TSPAN9: variants seen among roughly 807,000 people sequenced by gnomAD.
TSPAN9 encodes the protein tetraspanin-9.
Under a neutral mutation model 31.0 loss-of-function variants are expected in TSPAN9, and 16 were observed. That is an observed-to-expected ratio of 0.52 (90% CI 0.35 to 0.78). TSPAN9 has a LOEUF of 0.78. Ranked by LOEUF, TSPAN9 falls within the 30% of genes least tolerant of loss-of-function variation. The probability of loss-of-function intolerance (pLI) is 0.01; values close to 1 mark genes in which losing one functional copy is unlikely to be tolerated. For synonymous variants in TSPAN9, 145 were observed against 121.6 expected (o/e 1.19, Z -1.27); for missense variants, 272 against 312.5 (o/e 0.87, Z 0.98).
At chr12:3,185,664 A>G (rs2098360874) in intron 2 of TSPAN9, among the ~76,000 whole-genome samples, 1 of 152,244 alleles carries the variant, frequency 6.6e-6, no homozygotes, top group Non-Finnish European at 1.5e-5. Flanking sequence ...CGCAGAGCTT[A>G]AAATAGCAGC....
chr12:3,259,379 C>T (rs934733492), intron 3 of TSPAN9, among the ~76,000 whole-genome samples: 3 of 152,196 alleles, frequency 2.0e-5, no homozygotes, highest in Non-Finnish European at 4.4e-5. Context: ...GAGGAAAGTT[C>T]TCAAGGACAG....
chr12:3,103,463 G>T (rs2098312773), intron 2 of TSPAN9, among the ~76,000 whole-genome samples: 1 of 141,750 alleles, frequency 7.1e-6, no homozygotes, highest in African/African-American at 3.1e-5. Context: ...CTAGGAACCA[G>T]GGACTCAGTG....
At chr12:3,136,334 C>T (rs1274038591) in intron 2 of TSPAN9, among the ~76,000 whole-genome samples, 1 of 152,222 alleles carries the variant, frequency 6.6e-6, no homozygotes, top group Non-Finnish European at 1.5e-5. Flanking sequence ...TCACGCACCA[C>T]TCATCGTGGG....
chr12:3,142,150 C>T (rs868375102), intron 2 of TSPAN9, among the ~76,000 whole-genome samples: 10 of 152,306 alleles, frequency 6.6e-5, no homozygotes, highest in African/African-American at 2.4e-4. Context: ...CTGAGATTGT[C>T]ACCGCTCTGC....
Position 3,198,660 on chromosome 12 carries a change from T to C in TSPAN9, c.-17-2517T>C, listed in dbSNP as rs1231875063. On this transcript the variant is annotated intron_variant, in intron 2 of 8. Coordinates refer to ENST00000011898, the MANE Select transcript of TSPAN9 (RefSeq NM_006675.5). ...CAGCACAGCTCACCACCAGCACAGCTCACCACCAGCACAGGCCACCACCAG... is the reference window on the plus strand; with the variant it reads ...CAGCACAGCTCACCACCAGCACAGCCCACCACCAGCACAGGCCACCACCAG... Among the ~76,000 whole-genome samples, 56 of 59,868 alleles carry C rather than the reference T, an allele frequency of 9.4e-4. 1 individual carries two copies. The highest frequency in any genetic ancestry group is 5.0e-3 in the African/African-American group (48 of 9,644). The allele number at this position is 59,868 out of a possible 152,430, so 39.3% of individuals were successfully genotyped here.
At position 3,285,764 on chromosome 12, in the gene TSPAN9, A is replaced by C. The variant is rs1239701960; in HGVS notation, c.*2648A>C. On this transcript the variant is annotated 3_prime_UTR_variant, in exon 9 of 9. Coordinates refer to ENST00000011898, the MANE Select transcript of TSPAN9 (RefSeq NM_006675.5). ...CAGGTCTGATGTGAGCAATTTACAC[A>C]CTTGTCTCAGAAAGTCCCTCAGGGT... The C allele has an allele frequency of 1.3e-5, 2 of 152,094 alleles. No homozygotes were observed. Among genetic ancestry groups the C allele is most frequent in the East Asian group, 3.9e-4 (2 of 5,184 alleles). 9.4% of individuals were successfully genotyped at this position (152,094 alleles called of 1,614,324 possible).
At chr12:3,165,991 G>T (rs937810957) in intron 2 of TSPAN9, among the ~76,000 whole-genome samples, 2 of 152,162 alleles carry the variant, frequency 1.3e-5, no homozygotes, top group African/African-American at 4.8e-5. Context: ...CGGTCTAACA[G>T]GGCCATGGAG....
chr12:3,186,155 G>T (rs566936073), intron 2 of TSPAN9, among the ~76,000 whole-genome samples: 1 of 152,332 alleles, frequency 6.6e-6, no homozygotes, highest in East Asian at 1.9e-4. Flanking sequence ...TCCCTCACTC[G>T]CCAGTTGCCT....
chr12:3,156,588 C>T (rs1164513834), intron 2 of TSPAN9, among the ~76,000 whole-genome samples: 1 of 151,640 alleles, frequency 6.6e-6, no homozygotes, highest in African/African-American at 2.4e-5. Context: ...TGCAACCTCC[C>T]CCTCCCAGAT....
At chr12:3,246,902 C>T (rs905618278) in intron 3 of TSPAN9, among the ~76,000 whole-genome samples, 11 of 152,172 alleles carry the variant, frequency 7.2e-5, no homozygotes, top group Admixed American at 5.2e-4. Flanking sequence ...AGACCAGGAC[C>T]GTTCAGGGGA....
chr12:3,223,089 C>T (rs1324078992), intron 3 of TSPAN9, among the ~76,000 whole-genome samples: 2 of 152,326 alleles, frequency 1.3e-5, no homozygotes, highest in South Asian at 2.1e-4. Flanking sequence ...GCATCAGTGC[C>T]GTTGCCTCTA....
rs1376981566 is a variant in TSPAN9, at chr12:3,283,051, G to A, written c.655G>A (p.Gly219Ser). The change falls in exon 9 of 9, where the codon GGC becomes AGC. Residue 219 changes from glycine (G) to serine (S), a missense_variant. Transcript: ENST00000011898. ...CCCTCCCCGTGTCTTTCAGATCCTGGGCATGGCCTTCTCCATGACCCTCTT... is the reference window on the plus strand; with the variant it reads ...CCCTCCCCGTGTCTTTCAGATCCTGAGCATGGCCTTCTCCATGACCCTCTT... Reference protein sequence around the residue: ...GMCILIMQILGMAFSMTLFQH... With the variant: ...GMCILIMQILSMAFSMTLFQH... 6.2e-7 allele frequency: 1 copy of A among 1,608,574 alleles called. No homozygotes were observed. Among genetic ancestry groups the A allele is most frequent in the East Asian group, 2.2e-5 (1 of 44,862 alleles).
chr12:3,280,387 C>T lies in TSPAN9; in HGVS notation c.336C>T (p.Asn112=), dbSNP rs745629435. 13 of 1,610,536 alleles carry T rather than the reference C, an allele frequency of 8.1e-6. 1 individual carries two copies. Among genetic ancestry groups the T allele is most frequent in the East Asian group, 4.5e-5 (2 of 44,862 alleles). ...TGTGTCCCTCCGCCTGGCAGGTGAA[C>T]GAGAACGCCAAGAAGGACCTGAAGG... is the stretch of plus-strand genomic sequence containing the variant. ...ILFFVYMDKV[N]ENAKKDLKEG... is the part of the protein sequence containing the mutation. The change falls in exon 6 of 9, where the codon AAC becomes AAT. Residue 112 remains asparagine, a synonymous_variant. Transcript: ENST00000011898. This position sits in a 1 kb window ranked among gnomAD's most constrained non-coding sequence, Gnocchi z 4.5.
At chr12:3,159,156 C>G (rs1271108386) in intron 2 of TSPAN9, among the ~76,000 whole-genome samples, 1 of 151,484 alleles carries the variant, frequency 6.6e-6, no homozygotes, top group Non-Finnish European at 1.5e-5. Context: ...CCATTATTGT[C>G]TGTTGTTTCT....
chr12:3,278,316 A>C, intron 3 of TSPAN9, 105 bp from the exon 4 acceptor site: 1 of 1,483,210 alleles, frequency 6.7e-7, no homozygotes, highest in Non-Finnish European at 9.1e-7. Flanking sequence ...GTCGGTTCTC[A>C]CTTTGTCTGT....
intron 2 of TSPAN9, among the ~76,000 whole-genome samples, chr12:3,185,682 G>C (rs1395789187): frequency 1.3e-5 from 2 of 152,254 alleles, no homozygotes; most frequent in Non-Finnish European, 2.9e-5. Context: ...AGCGTGAGCT[G>C]GCCGCTGGGC....
rs2098350063 is a variant in TSPAN9 at position 3,168,785 on chromosome 12, T to C, written c.-17-32392T>C. On this transcript the variant is annotated intron_variant, in intron 2 of 8. Transcript: ENST00000011898. The surrounding 1 kb of genome is among the most constrained non-coding windows in gnomAD (Gnocchi z 4.0). ...CACTCTCCGCCCCCTCTCTTTTCTG[T>C]GTCTCCACCATAAAGTACTCGTTGA... is the stretch of plus-strand genomic sequence containing the variant. 6.6e-6 allele frequency among the ~76,000 whole-genome samples: 1 copy of C among 152,204 alleles called. No homozygotes were observed. Among genetic ancestry groups the C allele is most frequent in the African/African-American group, 2.4e-5 (1 of 41,458 alleles).
chr12:3,131,197 T>A (rs999496307), intron 2 of TSPAN9, among the ~76,000 whole-genome samples: 3 of 151,862 alleles, frequency 2.0e-5, no homozygotes, highest in Non-Finnish European at 4.4e-5. Flanking sequence ...CACAGTCATC[T>A]CATTTCATTG....
At chr12:3,094,866 T>TTTTG (rs1275857900) in intron 2 of TSPAN9, among the ~76,000 whole-genome samples, 641 of 106,648 alleles carry the variant, frequency 6.0e-3, no homozygotes, top group Non-Finnish European at 0.012. Context: ...TTTTTTTTTT[T>TTTTG]TTTGTTTTTA....
Sources: gnomAD v4.1 joint callset for allele counts (sites outside exome capture counted in the v4.1 genomes callset) on GRCh38, gnomAD v4.1.1 for gene constraint, Gnocchi (gnomAD v3.1) non-coding constraint, MANE v1.5 for transcripts, NCBI Gene and HGNC (gene_info 2026-07-23, HGNC 2026-07-21) for gene names.